MAML3: variants seen among roughly 807,000 people sequenced by gnomAD.
MAML3 encodes mastermind-like protein 3.
Under a neutral mutation model 101.9 loss-of-function variants are expected in MAML3, and 27 were observed. The observed-to-expected ratio is 0.27, with a 90% CI of 0.20 to 0.37. MAML3 has a LOEUF of 0.37. MAML3 is among the 10% of genes least tolerant of loss of function. MAML3 has a pLI of 1.00. For synonymous variants in MAML3, 501 were observed against 555.9 expected (o/e 0.90, Z 1.39); for missense variants, 1,316 against 1,444.9 (o/e 0.91, Z 1.45).
intron 2 of MAML3, among the ~76,000 whole-genome samples, chr4:139,848,727 T>A (rs1273179111): frequency 6.6e-6 from 1 of 152,164 alleles, no homozygotes; most frequent in Admixed American, 6.5e-5. Flanking sequence ...ATAGAGTAAG[T>A]TTTGTCTAAG....
intron 1 of MAML3, among the ~76,000 whole-genome samples, chr4:139,911,720 C>G (rs898607582): frequency 6.6e-6 from 1 of 151,984 alleles, no homozygotes; most frequent in Admixed American, 6.6e-5. Flanking sequence ...ATAAGAGGCC[C>G]CAGAGATCCC....
chr4:140,057,099 A>G (rs539120538), intron 1 of MAML3, among the ~76,000 whole-genome samples: 2 of 152,082 alleles, frequency 1.3e-5, no homozygotes, highest in South Asian at 4.2e-4. Context: ...ATGAAGCAAG[A>G]CCCCCGTCTC....
At chr4:139,836,979 G>A (rs561738443) in intron 2 of MAML3, among the ~76,000 whole-genome samples, 7 of 151,798 alleles carry the variant, frequency 4.6e-5, no homozygotes, top group East Asian at 1.9e-4. Context: ...AAAATTAGCC[G>A]GGCTTGGTGG....
At chr4:139,856,582 AG>A (rs1403103978) in intron 2 of MAML3, among the ~76,000 whole-genome samples, 1 of 152,224 alleles carries the variant, frequency 6.6e-6, no homozygotes, top group African/African-American at 2.4e-5. Flanking sequence ...AGGTAGTTAA[AG>A]GTTGAAGTAA....
chr4:140,152,849 T>TGCGCCCTCACGG lies in MAML3; in HGVS notation c.468+10_468+11insCCGTGAGGGCGC, dbSNP rs769225148. 6.9e-6 allele frequency: 11 copies of TGCGCCCTCACGG among 1,593,138 alleles called. No homozygotes were observed. ...ACGCGCGCCGCAAGCCCGCTGCCCG[T>TGCGCCCTCACGG]GCGCCCTCACCATGATCAGCGTGTG... On this transcript the variant is annotated intron_variant, in intron 1 of 4. Transcript: ENST00000509479.
chr4:139,930,977 T>TA (rs35551902), intron 1 of MAML3, among the ~76,000 whole-genome samples: 22 of 151,746 alleles, frequency 1.4e-4, no homozygotes, highest in African/African-American at 5.1e-4. Context: ...TTTCGTTCTC[T>TA]AAAAAAAAGG....
intron 2 of MAML3, among the ~76,000 whole-genome samples, chr4:139,748,257 A>G (rs1012126601): frequency 7.2e-5 from 11 of 152,212 alleles, no homozygotes; most frequent in African/African-American, 2.6e-4. Flanking sequence ...CACTTGAGCC[A>G]TAAGAGAAGA....
chr4:140,012,024 A>G (rs1560866243), intron 1 of MAML3, among the ~76,000 whole-genome samples: 1 of 152,066 alleles, frequency 6.6e-6, no homozygotes, highest in Non-Finnish European at 1.5e-5. Flanking sequence ...AAAAAAAAAA[A>G]GTCTACAGAT....
chr4:139,819,346 G>C (rs1377445639), intron 2 of MAML3, among the ~76,000 whole-genome samples: 1 of 152,218 alleles, frequency 6.6e-6, no homozygotes, highest in Non-Finnish European at 1.5e-5. Context: ...GTGAGACAGA[G>C]AGGAAGCTGA....
chr4:140,141,406 T>G (rs1384173481), intron 1 of MAML3, among the ~76,000 whole-genome samples: 2 of 152,218 alleles, frequency 1.3e-5, no homozygotes, highest in Non-Finnish European at 2.9e-5. Flanking sequence ...GTCAGGGTAA[T>G]TTAACCTGTA....
chr4:140,126,068 G>A (rs1222925069), intron 1 of MAML3, among the ~76,000 whole-genome samples: 1 of 151,642 alleles, frequency 6.6e-6, no homozygotes, highest in Non-Finnish European at 1.5e-5. Flanking sequence ...AAGCCACCGC[G>A]CCTGGCCAAG....
At chr4:139,867,648 A>G (rs1377034569) in intron 2 of MAML3, among the ~76,000 whole-genome samples, 1 of 152,268 alleles carries the variant, frequency 6.6e-6, no homozygotes, top group Non-Finnish European at 1.5e-5. Context: ...GAAGTTTTCA[A>G]TAAAATGGTT....
At chr4:139,925,301 C>G (rs189756437) in intron 1 of MAML3, among the ~76,000 whole-genome samples, 114 of 152,294 alleles carry the variant, frequency 7.5e-4, no homozygotes, top group African/African-American at 2.4e-3. Flanking sequence ...GCAATCTCAT[C>G]TCACTGCAAC....
chr4:140,117,402 G>T (rs886446240), intron 1 of MAML3, among the ~76,000 whole-genome samples: 11 of 150,646 alleles, frequency 7.3e-5, no homozygotes, highest in Non-Finnish European at 1.6e-4. Context: ...CTTTAATGTG[G>T]TTTTATGTTT....
intron 1 of MAML3, among the ~76,000 whole-genome samples, chr4:140,084,155 C>T (rs1405444411): frequency 6.6e-6 from 1 of 152,144 alleles, no homozygotes. Flanking sequence ...TGAATGATTA[C>T]TATTATCTGA....
intron 1 of MAML3, among the ~76,000 whole-genome samples, chr4:140,065,975 C>T (rs1170503462): frequency 6.6e-6 from 1 of 152,154 alleles, no homozygotes; most frequent in Admixed American, 6.5e-5. Flanking sequence ...CAAAGTTTTC[C>T]TCATTTGTAA....
chr4:140,126,252 G>C (rs916869335), intron 1 of MAML3, among the ~76,000 whole-genome samples: 3 of 151,310 alleles, frequency 2.0e-5, no homozygotes, highest in Non-Finnish European at 4.4e-5. Context: ...TACTTGAAAG[G>C]GGCCCCTCTT....
intron 1 of MAML3, among the ~76,000 whole-genome samples, chr4:140,110,806 G>A (rs143578935): frequency 6.6e-5 from 10 of 152,194 alleles, no homozygotes; most frequent in East Asian, 3.9e-4. Context: ...ACAAAATCGT[G>A]CCCATTATCC....
chr4:140,154,071 G>A lies in MAML3; in HGVS notation c.-744C>T. On this transcript the variant is annotated 5_prime_UTR_variant, in exon 1 of 5. Transcript: ENST00000509479. ...AACGCTCGGCTGGGCTGCCGCTGCC[G>A]CCGCTGCTCCTGCCACCATCACAAT... 1.2e-5 allele frequency: 2 copies of A among 167,472 alleles called. No individual in the cohort carries two copies. The highest frequency in any genetic ancestry group is 2.6e-5 in the Non-Finnish European group (2 of 76,720). The allele number at this position is 167,472 out of a possible 1,614,324, so 10.4% of individuals were successfully genotyped here. A position where few individuals can be genotyped will look rare whatever the true frequency, so the allele number is the denominator to read the frequency against.
Sources: gnomAD v4.1 joint callset for allele counts (sites outside exome capture counted in the v4.1 genomes callset) on GRCh38, gnomAD v4.1.1 for gene constraint, MANE v1.5 for transcripts, NCBI Gene and HGNC (gene_info 2026-07-23, HGNC 2026-07-21) for gene names.